TLN2: variants seen among roughly 807,000 people sequenced by gnomAD.
TLN2 encodes talin-2.
TLN2 carries 118 observed loss-of-function variants against 294.7 expected under a neutral mutation model. The ratio of observed to expected loss-of-function variants is 0.40; its 90% confidence interval spans 0.34 to 0.47. TLN2 has a LOEUF of 0.47. Ranked by LOEUF, TLN2 falls within the 20% of genes least tolerant of loss-of-function variation. The pLI, the probability that TLN2 is intolerant of heterozygous loss-of-function variation, is 0.84. For synonymous variants in TLN2, 1,431 were observed against 1,304.5 expected, an observed-to-expected ratio of 1.10 and a Z score of -2.09; for missense variants, 3,083 against 3,282.2, an observed-to-expected ratio of 0.94 and a Z score of 1.48.
intron 1 of TLN2, among the ~76,000 whole-genome samples, chr15:62,520,543 G>A (rs145616920): frequency 1.3e-5 from 2 of 152,310 alleles, no homozygotes; most frequent in African/African-American, 4.8e-5. Flanking sequence ...ATACAGAATT[G>A]TGAATAGGTT....
chr15:62,716,460 G>A lies in TLN2; in HGVS notation c.2763+1G>A, dbSNP rs2059778387. On this transcript the variant is annotated splice_donor_variant, in intron 23 of 58. Transcript: ENST00000636159. LOFTEE classifies it high-confidence loss of function. ...GAAAAAAATTGTCAACCGACTGGAG[G>A]TAAGGAAAGAGGCTGCCTTTCTGGG... 1 of 1,598,570 alleles carries A rather than the reference G, an allele frequency of 6.3e-7. No homozygotes were observed. Among genetic ancestry groups the A allele is most frequent in the African/African-American group, 1.4e-5 (1 of 74,002 alleles).
chr15:62,484,891 T>G (rs2038306306), intron 1 of TLN2, among the ~76,000 whole-genome samples: 2 of 152,298 alleles, frequency 1.3e-5, no homozygotes, highest in South Asian at 2.1e-4. Flanking sequence ...GACCTTAAAC[T>G]TGTGACTTGA....
chr15:62,766,229 G>A, intron 40 of TLN2, 92 bp from the exon 41 acceptor site: 3 of 1,070,918 alleles, frequency 2.8e-6, no homozygotes, highest in South Asian at 1.5e-5. Flanking sequence ...GCTTTGTGTG[G>A]CCTCTGTCAT....
chr15:62,572,357 C>T (rs2043949897), intron 1 of TLN2, among the ~76,000 whole-genome samples: 1 of 152,162 alleles, frequency 6.6e-6, no homozygotes, highest in African/African-American at 2.4e-5. Context: ...CCTTCCACCT[C>T]AGCCTCCTGA....
chr15:62,529,906 T>C (rs12908446), intron 1 of TLN2, among the ~76,000 whole-genome samples: 35,816 of 152,182 alleles, frequency 0.24, 4,612 homozygotes, highest in East Asian at 0.56. Flanking sequence ...TTTGTTATTC[T>C]TAGGCCAGGC....
chr15:62,722,077 G>A (rs895142015), intron 25 of TLN2, among the ~76,000 whole-genome samples: 8 of 151,996 alleles, frequency 5.3e-5, no homozygotes, highest in Admixed American at 3.3e-4. Context: ...CTTTGAAATC[G>A]GTTTTAAATG....
At chr15:62,702,889 C>T in intron 19 of TLN2, 25 bp downstream of exon 19, 7 of 1,605,216 alleles carry the variant, frequency 4.4e-6, no homozygotes, top group Non-Finnish European at 6.0e-6. Flanking sequence ...GGCTTATAGT[C>T]ATGGAAAGAA....
At chr15:62,673,721 T>C (rs934107713) in intron 9 of TLN2, 106 bp from the exon 10 acceptor site, 20 of 796,050 alleles carry the variant, frequency 2.5e-5, no homozygotes, top group African/African-American at 3.4e-5. Flanking sequence ...CTATAAAATA[T>C]TGGGAGACTT....
intron 54 of TLN2, among the ~76,000 whole-genome samples, chr15:62,825,795 T>TATA (rs1336986898): frequency 1.5e-4 from 1 of 6,550 alleles, no homozygotes; most frequent in African/African-American, 2.8e-4. Context: ...TATATTATAA[T>TATA]ATATATTATA....
In TLN2 at chr15:62,770,969, A is replaced by G. The variant is rs759104757; in HGVS notation, c.5202A>G (p.Thr1734=). Residue 1734 remains threonine (T), a synonymous_variant, in exon 42 of 59, where the codon ACA becomes ACG. Coordinates refer to ENST00000636159, the MANE Select transcript of TLN2 (RefSeq NM_015059.3). ...GEAAQLGHKV[T]QLASYFEPLI... ...TTTTTTTTTTTTTTTGAAAGGTGAC[A>G]CAACTGGCAAGCTATTTTGAGCCCT... 3.8e-6 allele frequency: 6 copies of G among 1,568,638 alleles called. No homozygotes were observed. Among genetic ancestry groups the G allele is most frequent in the South Asian group, 1.2e-5 (1 of 84,052 alleles).
intron 1 of TLN2, among the ~76,000 whole-genome samples, chr15:62,431,444 GA>G (rs2035006140): frequency 6.6e-6 from 1 of 152,174 alleles, no homozygotes; most frequent in Non-Finnish European, 1.5e-5. Flanking sequence ...CACAAAATTA[GA>G]TACTTACATA....
chr15:62,395,452 C>A (rs1035223755), intron 1 of TLN2, among the ~76,000 whole-genome samples: 2 of 152,064 alleles, frequency 1.3e-5, no homozygotes, highest in South Asian at 2.1e-4. Context: ...GTAATACTCT[C>A]TGCTCGATGG....
chr15:62,757,570 T>A (rs969106315), intron 37 of TLN2, among the ~76,000 whole-genome samples: 8 of 152,168 alleles, frequency 5.3e-5, no homozygotes, highest in African/African-American at 1.9e-4. Context: ...TCCTGACCTA[T>A]CTCTATATAA....
At chr15:62,810,406 G>A (rs974142935) in intron 52 of TLN2, among the ~76,000 whole-genome samples, 3 of 152,190 alleles carry the variant, frequency 2.0e-5, no homozygotes, top group African/African-American at 4.8e-5. Context: ...CAAGGACATG[G>A]AAGGCTTCTG....
intron 24 of TLN2, among the ~76,000 whole-genome samples, chr15:62,719,487 A>C (rs1461192820): frequency 1.3e-5 from 2 of 152,096 alleles, no homozygotes. Context: ...CAACTAAGGA[A>C]ATTCTTTTAG....
At chr15:62,706,990 A>C in intron 19 of TLN2, 96 bp from the exon 20 acceptor site, 2 of 1,404,670 alleles carry the variant, frequency 1.4e-6, no homozygotes, top group Non-Finnish European at 9.5e-7. Context: ...GTACTGAAGG[A>C]AAAAGATCAA....
chr15:62,433,222 T>C (rs2035105052), intron 1 of TLN2, among the ~76,000 whole-genome samples: 2 of 152,100 alleles, frequency 1.3e-5, no homozygotes, highest in Admixed American at 6.5e-5. Flanking sequence ...CTCTCACCTA[T>C]ACCTGTTGCT....
At chr15:62,635,863 G>A (rs1037382091) in intron 3 of TLN2, among the ~76,000 whole-genome samples, 2 of 152,080 alleles carry the variant, frequency 1.3e-5, no homozygotes, top group East Asian at 1.9e-4. Context: ...CTGCATCCCT[G>A]ACACAAGCAC....
intron 1 of TLN2, among the ~76,000 whole-genome samples, chr15:62,555,503 CTTTG>C (rs1311727145): frequency 2.0e-5 from 3 of 152,162 alleles, no homozygotes; most frequent in Admixed American, 6.5e-5. Context: ...TGTCTTTGAA[CTTTG>C]TTTATGAAAT....
Sources: allele counts gnomAD v4.1 joint callset (sites outside exome capture counted in the v4.1 genomes callset), GRCh38; gene constraint gnomAD v4.1.1; transcripts MANE v1.5; gene names NCBI Gene and HGNC (gene_info 2026-07-23, HGNC 2026-07-21).